The following TRAPPC11 variants were observed in gnomAD, a reference collection of about 807,000 sequenced individuals.
TRAPPC11 encodes foie gras homolog.
Under a neutral mutation model 151.2 loss-of-function variants are expected in TRAPPC11, and 104 were observed. The ratio of observed to expected loss-of-function variants is 0.69; its 90% CI spans 0.59 to 0.81. The LOEUF (loss-of-function observed/expected upper bound fraction) is 0.81, where lower values mean the gene tolerates loss of function less well. Among genes scored for constraint, TRAPPC11 ranks in the 30% least tolerant of loss-of-function variants. TRAPPC11 has a pLI of 0.00. For missense variants in TRAPPC11, 1,230 were observed against 1,349.6 expected (o/e 0.91, Z 1.39); for synonymous variants, 456 against 472.3 (o/e 0.97, Z 0.45).
In TRAPPC11 at chr4:183,709,801, A is replaced by G. The variant is rs554209006; in HGVS notation, c.3357+1227A>G. Among the ~76,000 whole-genome samples, 3 of 152,316 alleles carry G rather than the reference A, an allele frequency of 2.0e-5. No homozygotes were observed. In the East Asian group the frequency reaches 5.8e-4, roughly 29 times the overall value. On this transcript the variant is annotated intron_variant, in intron 29 of 29. Coordinates refer to ENST00000334690, the MANE Select transcript of TRAPPC11 (RefSeq NM_021942.6). ...AAATAAATAAATAACTTGTAAAAGA[A>G]AAATCTCATAATTTTGGATATCCTT...
chr4:183,685,390 C>T lies in TRAPPC11; in HGVS notation c.1749C>T (p.Asp583=). 2 of 1,613,382 alleles carry T rather than the reference C, an allele frequency of 1.2e-6. No homozygotes were observed. The highest frequency in any genetic ancestry group is 1.7e-6 in the Non-Finnish European group (2 of 1,179,402). ...ATATTTTCACAATAGGAGTACAGGA[C>T]TTTGTGCCATTTGGTAGGTAGCTAA... ...GSNIFTIGVQ[D]FVPFVQCKAK... The change falls in exon 17 of 30, where the codon GAC becomes GAT. Residue 583 remains aspartate (D), a synonymous_variant. Transcript: ENST00000334690.
rs70959134 is a variant in TRAPPC11, at chr4:183,663,736, G to GTTTTT, written c.-21-96_-21-92dup. The GTTTTT allele has an allele frequency of 9.8e-5, 38 of 388,314 alleles. 1 individual carries two copies. Among genetic ancestry groups the GTTTTT allele is most frequent in the South Asian group, 2.6e-4 (8 of 30,330 alleles). 24.1% of individuals were successfully genotyped at this position (388,314 alleles called of 1,614,324 possible). ...CATATATTGGAAATGAATATGAGTTGTTTTTTTTTTTTTTTTTTTGAGACA... is the reference window on the plus strand; with the variant it reads ...CATATATTGGAAATGAATATGAGTTGTTTTTTTTTTTTTTTTTTTTTTTTGAGACA... On this transcript the variant is annotated intron_variant, in intron 1 of 29. Coordinates refer to ENST00000334690, the MANE Select transcript of TRAPPC11 (RefSeq NM_021942.6).
At chr4:183,705,353 A>G (rs1270540626) in intron 27 of TRAPPC11, among the ~76,000 whole-genome samples, 1 of 152,240 alleles carries the variant, frequency 6.6e-6, no homozygotes, top group African/African-American at 2.4e-5. Flanking sequence ...TCACCTCTTT[A>G]AAAATTAGCA....
chr4:183,694,288 A>T (rs971734761), intron 22 of TRAPPC11, among the ~76,000 whole-genome samples: 2 of 152,216 alleles, frequency 1.3e-5, no homozygotes, highest in African/African-American at 2.4e-5. Context: ...CATTGTTTGT[A>T]ACTTAGTGCA....
chr4:183,693,513 T>G (rs1736364793), intron 20 of TRAPPC11, 76 bp from the exon 21 acceptor site: 2 of 1,483,052 alleles, frequency 1.3e-6, no homozygotes, highest in Non-Finnish European at 1.8e-6. Context: ...GCCTCTTATT[T>G]CTTTTAAATA....
chr4:183,675,189 A>C lies in TRAPPC11; in HGVS notation c.686A>C (p.Lys229Thr). Residue 229 changes from lysine (K) to threonine (T), a missense_variant, in exon 7 of 30, where the codon AAA becomes ACA. Coordinates refer to ENST00000334690, the MANE Select transcript of TRAPPC11 (RefSeq NM_021942.6). The stretch of plus-strand genomic sequence containing the variant: ...CTTTTATTTGTTAGGCATCAGTTCA[A>C]AATAGCTTTCTTCAGTGAGTTGAAA... ...HQLLFVRHQF[K>T]IAFFSELKQD... 3 of 1,543,320 alleles carry C rather than the reference A, an allele frequency of 1.9e-6. No homozygotes were observed. Among genetic ancestry groups the C allele is most frequent in the East Asian group, 2.3e-5 (1 of 42,854 alleles).
chr4:183,661,396 TC>T (rs1734514831), intron 1 of TRAPPC11, among the ~76,000 whole-genome samples: 3 of 120,004 alleles, frequency 2.5e-5, no homozygotes, highest in East Asian at 5.3e-4. Context: ...TGAGACGGAG[TC>T]TCCTCGCTCT....
chr4:183,665,087 C>CTT (rs1412213264), intron 2 of TRAPPC11, among the ~76,000 whole-genome samples: 2 of 115,812 alleles, frequency 1.7e-5, no homozygotes, highest in Non-Finnish European at 3.6e-5. Flanking sequence ...TTTTTCTTTT[C>CTT]TTTCTTTTTT....
In TRAPPC11 at chr4:183,669,062, C is replaced by T. The variant is rs116383855; in HGVS notation, c.560+945C>T. On this transcript the variant is annotated intron_variant, in intron 5 of 29. Transcript: ENST00000334690. Reference sequence around the variant, plus strand: ...AGACCAGGCTTCTAAGAAAGAGAAGCATACATTTAGCAGAGAACATGCAGA... The same window carrying T: ...AGACCAGGCTTCTAAGAAAGAGAAGTATACATTTAGCAGAGAACATGCAGA... 2.5e-3 allele frequency among the ~76,000 whole-genome samples: 385 copies of T among 152,186 alleles called. 1 individual carries two copies. Among genetic ancestry groups the T allele is most frequent in the African/African-American group, 8.2e-3 (342 of 41,502 alleles).
chr4:183,674,679 T>TGC lies in TRAPPC11; in HGVS notation c.561-34_561-33insGC, dbSNP rs551535280. On this transcript the variant is annotated intron_variant, in intron 5 of 29. Coordinates refer to ENST00000334690, the MANE Select transcript of TRAPPC11 (RefSeq NM_021942.6). ...AAAAGTTTGGTTTAAAATAATTCAATATGTAAATGCTTGTTTGTTTTTGTT... is the reference window on the plus strand; with the variant it reads ...AAAAGTTTGGTTTAAAATAATTCAATGCATGTAAATGCTTGTTTGTTTTTGTT... 506 of 1,246,198 alleles carry TGC rather than the reference T, an allele frequency of 4.1e-4. 2 individuals carry two copies. The African/African-American group carries it at 6.8e-3, about 17-fold the overall frequency. 77.2% of individuals were successfully genotyped at this position (1,246,198 alleles called of 1,614,324 possible). A position where few individuals can be genotyped will look rare whatever the true frequency, so the allele number is the denominator to read the frequency against.
chr4:183,697,098 A>G (rs1013766477), intron 23 of TRAPPC11, among the ~76,000 whole-genome samples: 1 of 152,140 alleles, frequency 6.6e-6, no homozygotes, highest in Non-Finnish European at 1.5e-5. Context: ...CTGAGGCAAG[A>G]GGATCACTTG....
chr4:183,679,670 A>G (rs1363175172), intron 9 of TRAPPC11, among the ~76,000 whole-genome samples, 184 bp downstream of exon 9: 1 of 152,182 alleles, frequency 6.6e-6, no homozygotes, highest in Non-Finnish European at 1.5e-5. Context: ...CCTTAATGGG[A>G]ATTATTTAAT....
rs148966884 is a variant in TRAPPC11 at position 183,669,172 on chromosome 4, A to G, written c.560+1055A>G. ...AATCTTTACACTGGAAGCAGTAAAC[A>G]GTAGAATTCACACCACAGAAAATCA... On this transcript the variant is annotated intron_variant, in intron 5 of 29. Transcript: ENST00000334690. 5.0e-4 allele frequency among the ~76,000 whole-genome samples: 76 copies of G among 152,382 alleles called. 1 individual carries two copies. The East Asian group carries it at 0.014, about 28-fold the overall frequency.
chr4:183,687,473 C>T (rs2111378881), intron 18 of TRAPPC11, among the ~76,000 whole-genome samples: 1 of 152,052 alleles, frequency 6.6e-6, no homozygotes, highest in South Asian at 2.1e-4. Context: ...GAACTACAGG[C>T]ACCTGCCACC....
chr4:183,676,628 A>G (rs1735424716), intron 7 of TRAPPC11, among the ~76,000 whole-genome samples: 1 of 152,216 alleles, frequency 6.6e-6, no homozygotes, highest in African/African-American at 2.4e-5. Flanking sequence ...TGTTCCCAGC[A>G]GGCCCTCCTT....
rs185057725 is a variant in TRAPPC11, at chr4:183,677,842, T to A, written c.831+288T>A. On this transcript the variant is annotated intron_variant, in intron 8 of 29. Coordinates refer to ENST00000334690, the MANE Select transcript of TRAPPC11 (RefSeq NM_021942.6). The stretch of plus-strand genomic sequence containing the variant: ...AGGAGGAGTTGAGAAGAAAGCTGCC[T>A]GTATTACTGAGTTTTAAAGGATAAA... Among the ~76,000 whole-genome samples, 471 of 152,306 alleles carry A rather than the reference T, an allele frequency of 3.1e-3. 1 individual carries two copies. The highest frequency in any genetic ancestry group is 0.01 in the African/African-American group (432 of 41,572).
At chr4:183,667,204 G>T in intron 4 of TRAPPC11, 74 bp downstream of exon 4, 1 of 1,276,602 alleles carries the variant, frequency 7.8e-7, no homozygotes, top group Non-Finnish European at 1.1e-6. Flanking sequence ...GGGGTTTTTT[G>T]GATGTTTAAA....
chr4:183,702,637 A>G (rs1736858043), intron 26 of TRAPPC11, among the ~76,000 whole-genome samples: 1 of 152,230 alleles, frequency 6.6e-6, no homozygotes, highest in Non-Finnish European at 1.5e-5. Flanking sequence ...TAAAATACAT[A>G]GGAATGATAA....
In TRAPPC11 at chr4:183,697,317, GA is replaced by G. The variant is rs375942520; in HGVS notation, c.2629-174del. On this transcript the variant is annotated intron_variant, in intron 23 of 29. Transcript: ENST00000334690. ...CAGAGTGAGACCCTGTCTCCCAAAG[GA>G]AAAAAAAAAAATTAGTACTCAGTTC... Among the ~76,000 whole-genome samples the G allele has an allele frequency of 5.6e-4, 80 of 143,088 alleles. 1 individual carries two copies. The highest frequency in any genetic ancestry group is 6.9e-4 in the Admixed American group (10 of 14,400). The allele number at this position is 143,088 out of a possible 152,430, so 93.9% of individuals were successfully genotyped here. A position where few individuals can be genotyped will look rare whatever the true frequency, so the allele number is the denominator to read the frequency against.
Sources: allele counts gnomAD v4.1 joint callset (sites outside exome capture counted in the v4.1 genomes callset), GRCh38; gene constraint gnomAD v4.1.1; transcripts MANE v1.5; gene names NCBI Gene and HGNC (gene_info 2026-07-23, HGNC 2026-07-21).